The following AP2A2 variants were observed in gnomAD, a reference collection of about 807,000 sequenced individuals.
AP2A2 encodes AP-2 complex subunit alpha-2.
Under a neutral mutation model 104.2 loss-of-function variants are expected in AP2A2, and 32 were observed. The observed-to-expected ratio is 0.31, with a 90% CI of 0.23 to 0.41. AP2A2 has a LOEUF of 0.41. Ranked by LOEUF, AP2A2 falls within the 10% of genes least tolerant of loss-of-function variation. The pLI, the probability that AP2A2 is intolerant of heterozygous loss-of-function variation, is 1.00. For missense variants in AP2A2, 912 were observed against 1,261.0 expected, an observed-to-expected ratio of 0.72 and a Z score of 4.19; for synonymous variants, 539 against 533.3, an observed-to-expected ratio of 1.01 and a Z score of -0.15.
chr11:988,907 A>T lies in AP2A2; in HGVS notation c.1269+218A>T, dbSNP rs867626762. ...CTACTCCTGAGGTGGAGGCGGGAGG[A>T]TCACCTGAGGCCAGGAGGTTGAGGC... On this transcript the variant is annotated intron_variant, in intron 10 of 21. Transcript: ENST00000448903. The T allele has an allele frequency of 8.3e-6, 5 of 605,394 alleles. No individual in the cohort carries two copies. The Middle Eastern group carries it at 1.7e-3, about 208-fold the overall frequency. The allele number at this position is 605,394 out of a possible 1,614,324, so 37.5% of individuals were successfully genotyped here. A position where few individuals can be genotyped will look rare whatever the true frequency, so the allele number is the denominator to read the frequency against.
rs1382098876 is a variant in AP2A2 at position 996,130 on chromosome 11, A to T, written c.1956+1885A>T. 5 of 152,268 alleles carry T rather than the reference A, an allele frequency of 3.3e-5. No individual in the cohort carries two copies. The East Asian group carries it at 9.7e-4, about 30-fold the overall frequency. 9.4% of individuals were successfully genotyped at this position (152,268 alleles called of 1,614,324 possible). A position where few individuals can be genotyped will look rare whatever the true frequency, so the allele number is the denominator to read the frequency against. On this transcript the variant is annotated intron_variant, in intron 14 of 21. Coordinates refer to ENST00000448903, the MANE Select transcript of AP2A2 (RefSeq NM_012305.4). ...TCTGGAGGCAGAAACTTGCTTGTGGAGATTTGTCTGTGAGCTGCCGGAGCA... is the reference window on the plus strand; with the variant it reads ...TCTGGAGGCAGAAACTTGCTTGTGGTGATTTGTCTGTGAGCTGCCGGAGCA...
At chr11:957,052 T>C (rs1335813088) in intron 1 of AP2A2, 1 of 152,200 alleles carries the variant, frequency 6.6e-6, no homozygotes, top group African/African-American at 2.4e-5. Context: ...AAGCCTCAGG[T>C]TGTGACCTGT....
At chr11:986,737 G>T in intron 8 of AP2A2, 48 bp from the exon 9 acceptor site, 1 of 1,596,786 alleles carries the variant, frequency 6.3e-7, no homozygotes, top group Non-Finnish European at 8.5e-7. Context: ...TCCAGTTTGT[G>T]TTGCACTTGC....
chr11:957,857 G>A (rs1264586797), intron 1 of AP2A2, among the ~76,000 whole-genome samples: 2 of 152,226 alleles, frequency 1.3e-5, no homozygotes, highest in Admixed American at 1.3e-4. Context: ...CTGCCAGACT[G>A]TGTCTTCCGT....
chr11:927,399 T>C (rs1356091095), intron 1 of AP2A2, among the ~76,000 whole-genome samples: 1 of 152,050 alleles, frequency 6.6e-6, no homozygotes, highest in East Asian at 1.9e-4. Context: ...ACTGTTGTGA[T>C]CTTCCCTTTG....
At chr11:950,332 CAG>C (rs1439348839) in intron 1 of AP2A2, among the ~76,000 whole-genome samples, 2 of 129,784 alleles carry the variant, frequency 1.5e-5, no homozygotes, top group African/African-American at 5.7e-5. Context: ...TTTTTTTTGA[CAG>C]AGTTTCGCTC....
At chr11:959,776 C>T (rs7944815) in intron 2 of AP2A2, among the ~76,000 whole-genome samples, 76,945 of 151,874 alleles carry the variant, frequency 0.51, 20,124 homozygotes, top group Middle Eastern at 0.66. Context: ...ACCAGGCCAG[C>T]GTGCTGGGGG....
rs1231959067 is a variant in AP2A2, at chr11:992,172, G to C, written c.1270-331G>C. ...GGTCAGAGGAGTGCTGCCACCGGGA[G>C]CCTAGGGTGATGAGGTCAGAGGAGT... is the stretch of plus-strand genomic sequence containing the variant. On this transcript the variant is annotated intron_variant, in intron 10 of 21. Coordinates refer to ENST00000448903, the MANE Select transcript of AP2A2 (RefSeq NM_012305.4). This position sits in a 1 kb window ranked among gnomAD's most constrained non-coding sequence, Gnocchi z 6.4. Among the ~76,000 whole-genome samples the C allele has an allele frequency of 6.6e-6, 1 of 152,128 alleles. No homozygotes were observed. Among genetic ancestry groups the C allele is most frequent in the Non-Finnish European group, 1.5e-5 (1 of 68,028 alleles).
intron 1 of AP2A2, among the ~76,000 whole-genome samples, chr11:955,099 G>A (rs1001344328): frequency 6.6e-6 from 1 of 152,184 alleles, no homozygotes; most frequent in Admixed American, 6.5e-5. Flanking sequence ...GTAAAGTAGA[G>A]GGCACAAACC....
At chr11:948,479 C>G (rs1853927794) in intron 1 of AP2A2, 1 of 152,180 alleles carries the variant, frequency 6.6e-6, no homozygotes, top group Non-Finnish European at 1.5e-5. Flanking sequence ...TAGCATGGCC[C>G]TTGTGTGAGA....
chr11:956,463 A>G (rs1014491057), intron 1 of AP2A2, among the ~76,000 whole-genome samples: 2 of 152,248 alleles, frequency 1.3e-5, no homozygotes, highest in East Asian at 1.9e-4. Context: ...TTTAAAAAAT[A>G]GAATAAAAAG....
intron 14 of AP2A2, 48 bp downstream of exon 14, chr11:994,293 CCAAGA>C: frequency 1.3e-6 from 2 of 1,599,124 alleles, no homozygotes; most frequent in East Asian, 2.2e-5. Flanking sequence ...GGCCTCACCC[CCAAGA>C]CTTGGGACCA....
At chr11:935,059 ATT>A (rs35731432) in intron 1 of AP2A2, among the ~76,000 whole-genome samples, 2 of 134,816 alleles carry the variant, frequency 1.5e-5, no homozygotes, top group Non-Finnish European at 3.1e-5. Flanking sequence ...GGGTTTCACC[ATT>A]TTTTTTTTTT....
chr11:955,950 G>A (rs1271069279), intron 1 of AP2A2, among the ~76,000 whole-genome samples: 3 of 152,116 alleles, frequency 2.0e-5, no homozygotes, highest in Non-Finnish European at 4.4e-5. Context: ...ATGTGGATGG[G>A]TTGCTGCAGA....
chr11:950,178 G>A (rs556322475), intron 1 of AP2A2, among the ~76,000 whole-genome samples: 2 of 152,084 alleles, frequency 1.3e-5, no homozygotes, highest in Non-Finnish European at 2.9e-5. Flanking sequence ...CCATGTAAAA[G>A]TATGTAAATG....
At chr11:1,009,037 C>T (rs888019861) in intron 18 of AP2A2, 63 bp from the exon 19 acceptor site, 19 of 1,384,564 alleles carry the variant, frequency 1.4e-5, no homozygotes, top group South Asian at 4.8e-5. Context: ...GGCTCTTTCC[C>T]GGTCCCTGGG....
intron 6 of AP2A2, among the ~76,000 whole-genome samples, chr11:982,260 A>G (rs1344650152): frequency 2.0e-5 from 3 of 152,202 alleles, no homozygotes; most frequent in Admixed American, 6.5e-5. Context: ...CATGTTGGCC[A>G]GGCTGGTCTT....
At chr11:1,001,891 G>A (rs937817368) in intron 15 of AP2A2, among the ~76,000 whole-genome samples, 10 of 152,236 alleles carry the variant, frequency 6.6e-5, no homozygotes, top group African/African-American at 2.4e-4. Flanking sequence ...TCTTGTGCAT[G>A]CGGCCGTCTT....
In AP2A2 at chr11:968,039, C is replaced by T. The variant is rs1194196587; in HGVS notation, c.137-2130C>T. On this transcript the variant is annotated intron_variant, in intron 2 of 21. Coordinates refer to ENST00000448903, the MANE Select transcript of AP2A2 (RefSeq NM_012305.4). This position sits in a 1 kb window ranked among gnomAD's most constrained non-coding sequence, Gnocchi z 4.2. The stretch of plus-strand genomic sequence containing the variant: ...CACCTGCCAGGGGAGCTGGCGGGCT[C>T]ACCTGCCACCTGCCCCACCGAGATG... Among the ~76,000 whole-genome samples, 15 of 149,288 alleles carry T rather than the reference C, an allele frequency of 1.0e-4. No homozygotes were observed. Among genetic ancestry groups the T allele is most frequent in the African/African-American group, 3.7e-4 (15 of 40,474 alleles).
Sources: gnomAD v4.1 joint callset for allele counts (sites outside exome capture counted in the v4.1 genomes callset) on GRCh38, gnomAD v4.1.1 for gene constraint, Gnocchi (gnomAD v3.1) non-coding constraint, MANE v1.5 for transcripts, NCBI Gene and HGNC (gene_info 2026-07-23, HGNC 2026-07-21) for gene names.